RERE: variants seen among roughly 807,000 people sequenced by gnomAD.
The protein encoded by RERE is arginine-glutamic acid dipeptide repeats protein.
In RERE, 40 loss-of-function variants were observed where a neutral mutation model predicts 146.1. The ratio of observed to expected loss-of-function variants is 0.27; its 90% CI spans 0.21 to 0.36. The LOEUF is 0.36. Ranked by LOEUF, RERE falls within the 10% of genes least tolerant of loss-of-function variation. RERE has a pLI of 1.00. For missense variants in RERE, 1,933 were observed against 2,138.7 expected, an observed-to-expected ratio of 0.90 and a Z score of 1.90; for synonymous variants, 1,003 against 866.0, an observed-to-expected ratio of 1.16 and a Z score of -2.78.
chr1:8,604,178 G>A (rs1432863448), intron 4 of RERE, among the ~76,000 whole-genome samples: 1 of 152,066 alleles, frequency 6.6e-6, no homozygotes, highest in Non-Finnish European at 1.5e-5. Flanking sequence ...GAAAGATTAA[G>A]TCACCTGATC....
Position 8,358,529 on chromosome 1 carries a change from G to A in RERE, c.4006C>T (p.Pro1336Ser). The A allele has an allele frequency of 6.3e-7, 1 of 1,599,668 alleles. No homozygotes were observed. The highest frequency in any genetic ancestry group is 2.2e-5 in the East Asian group (1 of 44,782). Residue 1336 changes from proline to serine, a missense_variant, in exon 20 of 23, where the codon CCC becomes TCC. By Grantham distance (74) the Pro-to-Ser change is moderately conservative (BLOSUM62 -1). This residue lies in a region of RERE where 1,255 missense variants were observed against 1,153.8 expected (regional missense o/e 1.09). Coordinates refer to ENST00000400908, the MANE Select transcript of RERE (RefSeq NM_001042681.2). ...ATGGGGTTGGCGGCTGGGTGCAGGG[G>A]GTCCAGCTCTGGGGGCTTCACCTCG... Reference protein sequence around the residue: ...GFEVKPPELDPLHPAANPMEH... With the variant: ...GFEVKPPELDSLHPAANPMEH...
At chr1:8,442,226 C>T (rs1388827848) in intron 11 of RERE, among the ~76,000 whole-genome samples, 1 of 151,742 alleles carries the variant, frequency 6.6e-6, no homozygotes, top group East Asian at 1.9e-4. Flanking sequence ...CTCTACTAAA[C>T]ATACAAAAAT....
At chr1:8,759,431 A>C (rs1303027704) in intron 1 of RERE, among the ~76,000 whole-genome samples, 1 of 152,262 alleles carries the variant, frequency 6.6e-6, no homozygotes, top group African/African-American at 2.4e-5. Flanking sequence ...TTGTTGGTCC[A>C]ATCAAACTAT....
intron 4 of RERE, among the ~76,000 whole-genome samples, chr1:8,610,117 A>T (rs1382133847): frequency 2.0e-5 from 3 of 152,182 alleles, no homozygotes; most frequent in East Asian, 1.9e-4. Flanking sequence ...GCTGTTTTTA[A>T]TCTTAACTTT....
chr1:8,696,622 G>A (rs546061344), intron 1 of RERE, among the ~76,000 whole-genome samples: 1 of 151,258 alleles, frequency 6.6e-6, no homozygotes, highest in Non-Finnish European at 1.5e-5. Flanking sequence ...ACAAATAAAC[G>A]AACAAGGCTG....
chr1:8,542,101 A>G (rs1415941163), intron 6 of RERE, among the ~76,000 whole-genome samples: 1 of 152,164 alleles, frequency 6.6e-6, no homozygotes, highest in South Asian at 2.1e-4. Flanking sequence ...CAGAAGCATT[A>G]TATCACGTGG....
At chr1:8,607,534 C>CTTTTTTTTTCTTTTTTTTT (rs1646733658) in intron 4 of RERE, among the ~76,000 whole-genome samples, 1 of 48,584 alleles carries the variant, frequency 2.1e-5, no homozygotes, top group Admixed American at 3.6e-4. Flanking sequence ...ATATATATTT[C>CTTTTTTTTTCTTTTTTTTT]TTTTTTTTTT....
At chr1:8,359,015 T>C in intron 19 of RERE, 99 bp from the exon 20 acceptor site, 2 of 1,387,052 alleles carry the variant, frequency 1.4e-6, no homozygotes, top group Non-Finnish European at 1.9e-6. Context: ...CCTGGCCTGC[T>C]CTGACAGGCC....
At chr1:8,441,417 G>A (rs1157182396) in intron 11 of RERE, among the ~76,000 whole-genome samples, 2 of 151,740 alleles carry the variant, frequency 1.3e-5, no homozygotes, top group African/African-American at 2.4e-5. Context: ...CCTCTCCCCC[G>A]CTCCCATCTG....
At position 8,361,751 on chromosome 1, in the gene RERE, A is replaced by G. The variant is rs1641590286; in HGVS notation, c.2016+12T>C. On this transcript the variant is annotated intron_variant, in intron 17 of 22. Coordinates refer to ENST00000400908, the MANE Select transcript of RERE (RefSeq NM_001042681.2). ...TTAGCTTTACTCAGCAAGGCTCAGC[A>G]GCAAACCTCACCTGCGTTTTTGTCT... is the stretch of plus-strand genomic sequence containing the variant. 2 of 1,602,162 alleles carry G rather than the reference A, an allele frequency of 1.2e-6. No individual in the cohort carries two copies. The highest frequency in any genetic ancestry group is 2.2e-5 in the East Asian group (1 of 44,800).
intron 1 of RERE, among the ~76,000 whole-genome samples, chr1:8,804,791 TA>T (rs1641652656): frequency 6.6e-6 from 1 of 152,132 alleles, no homozygotes; most frequent in African/African-American, 2.4e-5. Context: ...CTGGGTCCCC[TA>T]ATGAGCATGA....
In RERE at chr1:8,805,273, G is replaced by A. The variant is rs140515784; in HGVS notation, c.-145+11887C>T. ...CACATCTCTAATCCCAGCACTTTAG[G>A]AATCCGAGGTGGGCGGATTGTCTGA... On this transcript the variant is annotated intron_variant, in intron 1 of 22. Coordinates refer to ENST00000400908, the MANE Select transcript of RERE (RefSeq NM_001042681.2). Among the ~76,000 whole-genome samples, 43 of 152,128 alleles carry A rather than the reference G, an allele frequency of 2.8e-4. 2 individuals are homozygous for A. In the East Asian group the frequency reaches 8.1e-3, roughly 29 times the overall value.
chr1:8,514,276 T>C (rs1379511306), intron 7 of RERE, among the ~76,000 whole-genome samples: 1 of 152,226 alleles, frequency 6.6e-6, no homozygotes, highest in African/African-American at 2.4e-5. Flanking sequence ...TGTCTGTCAG[T>C]TGTTCTTTCA....
intron 1 of RERE, among the ~76,000 whole-genome samples, chr1:8,811,174 G>A (rs1641799749): frequency 6.6e-6 from 1 of 152,116 alleles, no homozygotes; most frequent in South Asian, 2.1e-4. Flanking sequence ...TGCCTCCCCA[G>A]GCAGTTCACA....
chr1:8,400,099 A>G (rs1362494884), intron 12 of RERE, among the ~76,000 whole-genome samples: 2 of 152,040 alleles, frequency 1.3e-5, no homozygotes, highest in African/African-American at 4.8e-5. Context: ...ATTTTTTAAA[A>G]ATCTTTAAAC....
intron 6 of RERE, among the ~76,000 whole-genome samples, chr1:8,555,082 A>C (rs1018932880): frequency 5.3e-5 from 8 of 152,238 alleles, no homozygotes; most frequent in African/African-American, 1.9e-4. Context: ...AATTCCTGTA[A>C]GAAGTCAAAC....
intron 11 of RERE, among the ~76,000 whole-genome samples, chr1:8,462,907 A>T (rs1041823768): frequency 1.3e-5 from 2 of 152,098 alleles, no homozygotes; most frequent in African/African-American, 2.4e-5. Context: ...TAAAAATAAT[A>T]ATTAGAATGT....
At chr1:8,575,557 A>G (rs1440531212) in intron 4 of RERE, among the ~76,000 whole-genome samples, 1 of 57,074 alleles carries the variant, frequency 1.8e-5, no homozygotes, top group African/African-American at 7.7e-5. Context: ...ATATATATAT[A>G]TATATTTTTT....
intron 1 of RERE, among the ~76,000 whole-genome samples, chr1:8,782,672 G>A (rs1427648956): frequency 2.0e-5 from 3 of 152,134 alleles, no homozygotes; most frequent in Non-Finnish European, 2.9e-5. Context: ...TTGGGAGGCC[G>A]AGGTGGGCAG....
Sources: gnomAD v4.1 joint callset for allele counts (sites outside exome capture counted in the v4.1 genomes callset) on GRCh38, gnomAD v4.1.1 for gene constraint, gnomAD v4.1.1 regional missense constraint, MANE v1.5 for transcripts, NCBI Gene and HGNC (gene_info 2026-07-23, HGNC 2026-07-21) for gene names.